Variants in ARSK observed in about 807,000 individuals in gnomAD.
The protein encoded by ARSK is arylsulfatase family member K, also known as arylsulfatase K.
A neutral mutation model predicts 53.2 loss-of-function variants in ARSK; 37 were observed. The observed-to-expected ratio is 0.70, with a 90% confidence interval of 0.54 to 0.92. The LOEUF is 0.92. Ranked by LOEUF, ARSK falls within the 40% of genes least tolerant of loss-of-function variation. The probability of loss-of-function intolerance (pLI) is 0.00; values close to 1 mark genes in which losing one functional copy is unlikely to be tolerated. For missense variants in ARSK, 613 were observed against 643.0 expected (o/e 0.95, Z 0.51); for synonymous variants, 208 against 223.2 (o/e 0.93, Z 0.61).
At chr5:95,576,399 A>G (rs897076822) in intron 3 of ARSK, among the ~76,000 whole-genome samples, 5 of 151,280 alleles carry the variant, frequency 3.3e-5, no homozygotes, top group East Asian at 4.0e-4. Flanking sequence ...GGGTTTCACA[A>G]TGTTGGCCAG....
At chr5:95,577,581 C>CTTAAACATGTA (rs1748946441) in intron 3 of ARSK, among the ~76,000 whole-genome samples, 1 of 152,096 alleles carries the variant, frequency 6.6e-6, no homozygotes, top group Admixed American at 6.5e-5. Flanking sequence ...TAAGCTCAGA[C>CTTAAACATGTA]TACATTAAAC....
intron 5 of ARSK, among the ~76,000 whole-genome samples, chr5:95,587,691 G>A (rs1053429573): frequency 6.6e-6 from 1 of 152,164 alleles, no homozygotes; most frequent in Non-Finnish European, 1.5e-5. Flanking sequence ...TGGATCACCT[G>A]AGGTCAGGAG....
At chr5:95,568,806 G>C (rs1429548100) in intron 3 of ARSK, among the ~76,000 whole-genome samples, 1 of 151,982 alleles carries the variant, frequency 6.6e-6, no homozygotes, top group East Asian at 1.9e-4. Flanking sequence ...TGTGCATTGT[G>C]GTTTATGCCG....
intron 1 of ARSK, among the ~76,000 whole-genome samples, chr5:95,558,259 G>T (rs1748562557): frequency 6.6e-6 from 1 of 152,188 alleles, no homozygotes; most frequent in Non-Finnish European, 1.5e-5. Context: ...GGCCCTAATT[G>T]CCCTGGCCCT....
intron 6 of ARSK, among the ~76,000 whole-genome samples, chr5:95,599,979 T>C (rs1234453583): frequency 6.6e-6 from 1 of 152,180 alleles, no homozygotes; most frequent in Middle Eastern, 3.2e-3. Flanking sequence ...AACTGCAGAC[T>C]CATTTTGGAA....
At chr5:95,601,561 C>T (rs184126978) in intron 7 of ARSK, among the ~76,000 whole-genome samples, 11 of 152,252 alleles carry the variant, frequency 7.2e-5, no homozygotes, top group African/African-American at 2.4e-4. Flanking sequence ...GAGATTTCAA[C>T]GAAGCTGTGA....
At chr5:95,556,077 A>C (rs374704618) in intron 1 of ARSK, 1 of 628,056 alleles carries the variant, frequency 1.6e-6, no homozygotes, top group South Asian at 1.9e-5. Flanking sequence ...TGCTTAGACA[A>C]TTGTTTGGTT....
chr5:95,570,351 T>C (rs899710504), intron 3 of ARSK, among the ~76,000 whole-genome samples: 1 of 152,250 alleles, frequency 6.6e-6, no homozygotes, highest in Admixed American at 6.5e-5. Flanking sequence ...AGCTAGTTTC[T>C]CTGTGCAAAA....
At chr5:95,592,280 A>G (rs951197282) in intron 6 of ARSK, among the ~76,000 whole-genome samples, 1 of 152,186 alleles carries the variant, frequency 6.6e-6, no homozygotes, top group Non-Finnish European at 1.5e-5. Context: ...TCAATTGGAA[A>G]AAGTACCCTC....
At chr5:95,572,800 A>G (rs1748857977) in intron 3 of ARSK, among the ~76,000 whole-genome samples, 1 of 152,032 alleles carries the variant, frequency 6.6e-6, no homozygotes, top group Non-Finnish European at 1.5e-5. Context: ...AAACATTTGT[A>G]TTTGCCTTCA....
intron 6 of ARSK, among the ~76,000 whole-genome samples, chr5:95,599,648 C>G (rs911363156): frequency 6.6e-6 from 1 of 152,130 alleles, no homozygotes; most frequent in Non-Finnish European, 1.5e-5. Flanking sequence ...TTCCTTATCT[C>G]TGAACAAAAA....
At chr5:95,592,110 T>C (rs1749227788) in intron 6 of ARSK, among the ~76,000 whole-genome samples, 1 of 152,208 alleles carries the variant, frequency 6.6e-6, no homozygotes, top group East Asian at 1.9e-4. Context: ...AAGCAACATA[T>C]GGATAAGGGT....
intron 6 of ARSK, among the ~76,000 whole-genome samples, chr5:95,596,215 G>A (rs1052675012): frequency 6.6e-6 from 1 of 152,174 alleles, no homozygotes; most frequent in Non-Finnish European, 1.5e-5. Context: ...CTGTGAGACA[G>A]TATGTTCTAC....
At chr5:95,576,185 C>T (rs1748920882) in intron 3 of ARSK, among the ~76,000 whole-genome samples, 1 of 149,832 alleles carries the variant, frequency 6.7e-6, no homozygotes, top group African/African-American at 2.5e-5. Flanking sequence ...TATGATGTCT[C>T]ACGTAAGTGT....
intron 3 of ARSK, among the ~76,000 whole-genome samples, chr5:95,571,297 C>T (rs1748827244): frequency 6.6e-6 from 1 of 152,206 alleles, no homozygotes; most frequent in South Asian, 2.1e-4. Flanking sequence ...GACTTATATT[C>T]CGCAGCAGGA....
At chr5:95,580,507 G>T (rs999541093) in intron 3 of ARSK, among the ~76,000 whole-genome samples, 2 of 152,134 alleles carry the variant, frequency 1.3e-5, no homozygotes, top group Non-Finnish European at 2.9e-5. Context: ...TCTTATTATT[G>T]TAATTGTAAT....
At chr5:95,593,509 A>G (rs1749251788) in intron 6 of ARSK, among the ~76,000 whole-genome samples, 1 of 152,144 alleles carries the variant, frequency 6.6e-6, no homozygotes, top group African/African-American at 2.4e-5. Flanking sequence ...CACAATGCAA[A>G]TTTTGTACTC....
intron 3 of ARSK, among the ~76,000 whole-genome samples, chr5:95,580,025 T>A (rs1310062573): frequency 6.6e-6 from 1 of 152,206 alleles, no homozygotes; most frequent in Non-Finnish European, 1.5e-5. Flanking sequence ...GGGATCCCTG[T>A]ACTACACTTT....
intron 6 of ARSK, among the ~76,000 whole-genome samples, chr5:95,595,209 A>AGG (rs1749284703): frequency 6.6e-6 from 1 of 152,230 alleles, no homozygotes; most frequent in South Asian, 2.1e-4. Flanking sequence ...CTGCAGAGAA[A>AGG]GGGGAACACT....
Sources: gnomAD v4.1 joint callset for allele counts (sites outside exome capture counted in the v4.1 genomes callset) on GRCh38, gnomAD v4.1.1 for gene constraint, MANE v1.5 for transcripts, NCBI Gene and HGNC (gene_info 2026-07-23, HGNC 2026-07-21) for gene names.